GPC6: variants seen among roughly 807,000 people sequenced by gnomAD.
GPC6 encodes glypican 6.
In GPC6, 14 loss-of-function variants were observed where a neutral mutation model predicts 55.2. The ratio of observed to expected loss-of-function variants is 0.25; its 90% CI spans 0.17 to 0.40. The LOEUF (loss-of-function observed/expected upper bound fraction) is 0.40. GPC6 is among the 10% of genes least tolerant of loss of function. GPC6 has a pLI of 1.00. For missense variants in GPC6, 641 were observed against 708.5 expected, an observed-to-expected ratio of 0.90 and a Z score of 1.08; for synonymous variants, 278 against 259.6, an observed-to-expected ratio of 1.07 and a Z score of -0.68.
intron 1 of GPC6, among the ~76,000 whole-genome samples, chr13:93,344,435 T>C (rs996913205): frequency 1.3e-5 from 2 of 152,190 alleles, no homozygotes; most frequent in African/African-American, 4.8e-5. Context: ...CTTATCTCTC[T>C]TGAGGGCAGC....
intron 1 of GPC6, among the ~76,000 whole-genome samples, chr13:93,436,482 A>G (rs1034498328): frequency 6.6e-6 from 1 of 152,182 alleles, no homozygotes. Context: ...TCTATCTGAC[A>G]GACATGCTGG....
At chr13:93,494,209 G>A (rs1262777590) in intron 1 of GPC6, among the ~76,000 whole-genome samples, 2 of 126,076 alleles carry the variant, frequency 1.6e-5, no homozygotes, top group East Asian at 2.8e-4. Flanking sequence ...GGGTGCTCCT[G>A]TATTGGGTGC....
chr13:94,098,218 T>C lies in GPC6; in HGVS notation c.877+70324T>C, dbSNP rs116315930. Among the ~76,000 whole-genome samples, 1,263 of 152,330 alleles carry C rather than the reference T, an allele frequency of 8.3e-3. 22 individuals carry two copies. The highest frequency in any genetic ancestry group is 0.029 in the African/African-American group (1,202 of 41,576). ...TTCTTGTTTCATAGCTTTGGCCGTA[T>C]GAGGCCATGTAGTTTAATATAGACT... On this transcript the variant is annotated intron_variant, in intron 4 of 8. Transcript: ENST00000377047.
At chr13:93,624,222 T>G (rs12323109) in intron 2 of GPC6, among the ~76,000 whole-genome samples, 2,549 of 152,114 alleles carry the variant, frequency 0.017, 62 homozygotes, top group African/African-American at 0.057. Flanking sequence ...ACTGGCCTTG[T>G]ATGATCTGAG....
intron 2 of GPC6, among the ~76,000 whole-genome samples, chr13:93,695,278 T>A (rs759904190): frequency 1.8e-4 from 28 of 152,096 alleles, no homozygotes; most frequent in Non-Finnish European, 2.9e-4. Context: ...TACTTACTTT[T>A]TAAAATTGTG....
intron 6 of GPC6, among the ~76,000 whole-genome samples, chr13:94,317,378 T>C (rs903339285): frequency 6.6e-6 from 1 of 152,200 alleles, no homozygotes; most frequent in Admixed American, 6.5e-5. Context: ...TGCTTGTTCT[T>C]TGCAGCTCCT....
Position 93,287,829 on chromosome 13 carries a change from A to T in GPC6, c.160+60213A>T, listed in dbSNP as rs182494025. The stretch of plus-strand genomic sequence containing the variant: ...CGTTAGAAGTTTATTGTCAATTAAA[A>T]TAATCTACTTTTAAGGAAATTATGT... On this transcript the variant is annotated intron_variant, in intron 1 of 8. Transcript: ENST00000377047. 1.3e-3 allele frequency among the ~76,000 whole-genome samples: 191 copies of T among 152,366 alleles called. 1 individual carries two copies. The highest frequency in any genetic ancestry group is 2.4e-3 in the Non-Finnish European group (162 of 68,038).
chr13:94,178,025 A>ATTTTTTTTTTTTTTTTTTT lies in GPC6; in HGVS notation c.878-108313_878-108312insTTTTTTTTTTTTTTTTTTT, dbSNP rs767978319. Among the ~76,000 whole-genome samples the ATTTTTTTTTTTTTTTTTTT allele has an allele frequency of 2.0e-3, 264 of 132,822 alleles. 9 individuals carry two copies. The highest frequency in any genetic ancestry group is 3.0e-3 in the Non-Finnish European group (193 of 63,742). 87.1% of individuals were successfully genotyped at this position (132,822 alleles called of 152,430 possible). ...ATCATTCTTTTTCAGTGGCCTTTTAATTTTTTTTTTTGAGATGGAGTCTCA... is the reference window on the plus strand; with the variant it reads ...ATCATTCTTTTTCAGTGGCCTTTTAATTTTTTTTTTTTTTTTTTTTTTTTTTTTTTGAGATGGAGTCTCA... On this transcript the variant is annotated intron_variant, in intron 4 of 8. Coordinates refer to ENST00000377047, the MANE Select transcript of GPC6 (RefSeq NM_005708.5).
At chr13:94,258,037 T>C (rs565623690) in intron 4 of GPC6, among the ~76,000 whole-genome samples, 1 of 152,222 alleles carries the variant, frequency 6.6e-6, no homozygotes, top group South Asian at 2.1e-4. Context: ...TTTAGAAGGG[T>C]AGAGATATGA....
chr13:93,673,137 A>G (rs1881438231), intron 2 of GPC6, among the ~76,000 whole-genome samples: 1 of 152,092 alleles, frequency 6.6e-6, no homozygotes, highest in Non-Finnish European at 1.5e-5. Flanking sequence ...AGGTGGAGAA[A>G]CCAACCAACC....
chr13:93,959,825 A>AT (rs1879684410), intron 3 of GPC6, among the ~76,000 whole-genome samples: 1 of 152,174 alleles, frequency 6.6e-6, no homozygotes, highest in Non-Finnish European at 1.5e-5. Flanking sequence ...TTATTTTAGA[A>AT]ATGACGAAAC....
chr13:94,128,173 G>A (rs1886887304), intron 4 of GPC6, among the ~76,000 whole-genome samples: 1 of 152,102 alleles, frequency 6.6e-6, no homozygotes, highest in Non-Finnish European at 1.5e-5. Context: ...GACTTTTGAT[G>A]AAAATTTAGG....
chr13:93,926,284 A>C (rs1877853077), intron 3 of GPC6, among the ~76,000 whole-genome samples: 1 of 152,204 alleles, frequency 6.6e-6, no homozygotes, highest in African/African-American at 2.4e-5. Flanking sequence ...GTTGAAAGAC[A>C]AACAAGCAGC....
chr13:93,254,522 C>G (rs1876889620), intron 1 of GPC6, among the ~76,000 whole-genome samples: 1 of 152,146 alleles, frequency 6.6e-6, no homozygotes, highest in Non-Finnish European at 1.5e-5. Context: ...GTAGATGGTG[C>G]AACCAGTGGT....
chr13:94,272,463 C>CTTTTTTTTTTTTTTTTTTTTTTTT (rs555664508), intron 4 of GPC6, among the ~76,000 whole-genome samples: 2 of 85,744 alleles, frequency 2.3e-5, no homozygotes, highest in African/African-American at 5.6e-5. Flanking sequence ...CTTTTCTTTT[C>CTTTTTTTTTTTTTTTTTTTTTTTT]TTTTTTTTTT....
chr13:94,300,408 C>T (rs78594740), intron 5 of GPC6, among the ~76,000 whole-genome samples: 2,441 of 152,268 alleles, frequency 0.016, 29 homozygotes, highest in East Asian at 0.035. Flanking sequence ...ACCTAAGACA[C>T]AGCACTTAAA....
At chr13:93,851,080 A>G (rs1399554996) in intron 3 of GPC6, among the ~76,000 whole-genome samples, 2 of 151,896 alleles carry the variant, frequency 1.3e-5, no homozygotes, top group East Asian at 1.9e-4. Flanking sequence ...CTTAATTCTA[A>G]TTTTGGTGTA....
chr13:94,081,844 C>CTTTTTTTTTT lies in GPC6; in HGVS notation c.877+53955_877+53964dup, dbSNP rs201141414. Among the ~76,000 whole-genome samples, 39 of 133,000 alleles carry CTTTTTTTTTT rather than the reference C, an allele frequency of 2.9e-4. 1 individual carries two copies. Among genetic ancestry groups the CTTTTTTTTTT allele is most frequent in the African/African-American group, 9.0e-4 (32 of 35,546 alleles). The allele number at this position is 133,000 out of a possible 152,430, so 87.3% of individuals were successfully genotyped here. ...CATGTCTATGCCTTCTACTACTTTC[C>CTTTTTTTTTT]TTTTTTTTTTTTTTGAGACACAGTC... On this transcript the variant is annotated intron_variant, in intron 4 of 8. Transcript: ENST00000377047.
chr13:93,484,776 T>C (rs1879640498), intron 1 of GPC6, among the ~76,000 whole-genome samples: 1 of 152,194 alleles, frequency 6.6e-6, no homozygotes, highest in Non-Finnish European at 1.5e-5. Flanking sequence ...CAAAAATTCT[T>C]TGAATTTGTC....
Sources: allele counts gnomAD v4.1 joint callset (sites outside exome capture counted in the v4.1 genomes callset), GRCh38; gene constraint gnomAD v4.1.1; transcripts MANE v1.5; gene names NCBI Gene and HGNC (gene_info 2026-07-23, HGNC 2026-07-21).